The following PCDHA11 variants were observed in gnomAD, a reference collection of about 807,000 sequenced individuals.
PCDHA11 encodes the protein protocadherin alpha 11.
In PCDHA11, 61 loss-of-function variants were observed where a neutral mutation model predicts 70.3. The observed-to-expected ratio is 0.87, with a 90% confidence interval of 0.71 to 1.07. PCDHA11 has a LOEUF of 1.07. Among genes scored for constraint, PCDHA11 ranks in the 50% least tolerant of loss-of-function variants. PCDHA11 has a pLI of 0.00. For synonymous variants in PCDHA11, 633 were observed against 555.1 expected, an observed-to-expected ratio of 1.14 and a Z score of -1.97; for missense variants, 1,324 against 1,237.5, an observed-to-expected ratio of 1.07 and a Z score of -1.05.
intron 1 of PCDHA11, among the ~76,000 whole-genome samples, chr5:140,885,025 T>A (rs2060432297): frequency 6.6e-6 from 1 of 152,228 alleles, no homozygotes; most frequent in Non-Finnish European, 1.5e-5. Context: ...ATCTTAAATT[T>A]AAAAAATTTT....
At chr5:140,907,975 G>A (rs1242073777) in intron 1 of PCDHA11, among the ~76,000 whole-genome samples, 1 of 152,154 alleles carries the variant, frequency 6.6e-6, no homozygotes, top group Non-Finnish European at 1.5e-5. Flanking sequence ...TTCCAATCAT[G>A]CTTCTTCCAA....
Position 140,982,684 on chromosome 5 carries a change from T to C in PCDHA11, c.2539+121T>C. Reference sequence around the variant, plus strand: ...TTTTATATTTTTGTTATTCCCTTTTTTCCATACATACATGATTTCCTTACA... The same window carrying C: ...TTTTATATTTTTGTTATTCCCTTTTCTCCATACATACATGATTTCCTTACA... On this transcript the variant is annotated intron_variant, in intron 3 of 3. Transcript: ENST00000398640. The C allele has an allele frequency of 2.8e-6, 4 of 1,425,176 alleles. No individual in the cohort carries two copies. In the South Asian group the frequency reaches 6.0e-5, roughly 21 times the overall value. 88.3% of individuals were successfully genotyped at this position (1,425,176 alleles called of 1,614,324 possible).
intron 1 of PCDHA11, among the ~76,000 whole-genome samples, chr5:140,951,313 T>C (rs1554219855): frequency 1.3e-5 from 2 of 152,194 alleles, no homozygotes; most frequent in Non-Finnish European, 2.9e-5. Flanking sequence ...TAATGTGTTA[T>C]TCTTGAGATT....
In PCDHA11 at chr5:140,871,242, G is replaced by T; in HGVS notation, c.2139G>T (p.Thr713=). The part of the protein sequence containing the change: ...ICVVSSLLVL[T]LLLYTALWWS... ...TGGTGTCCAGCCTCCTGGTACTCACGCTGCTGCTGTATACGGCGCTGTGGT... is the reference window on the plus strand; with the variant it reads ...TGGTGTCCAGCCTCCTGGTACTCACTCTGCTGCTGTATACGGCGCTGTGGT... The change falls in exon 1 of 4, where the codon ACG becomes ACT. Residue 713 remains threonine (T), a synonymous_variant. Coordinates refer to ENST00000398640, the MANE Select transcript of PCDHA11 (RefSeq NM_018902.5). 6.2e-7 allele frequency: 1 copy of T among 1,613,980 alleles called. No individual in the cohort carries two copies. The highest frequency in any genetic ancestry group is 1.1e-5 in the South Asian group (1 of 91,092).
chr5:140,871,527 G>A (rs537927360), intron 1 of PCDHA11, 33 bp downstream of exon 1: 3 of 1,531,844 alleles, frequency 2.0e-6, no homozygotes, highest in African/African-American at 2.8e-5. Context: ...CTATCAGGAA[G>A]TGTATGTGAA....
At chr5:140,981,191 G>A (rs2096922052) in intron 2 of PCDHA11, among the ~76,000 whole-genome samples, 2 of 152,178 alleles carry the variant, frequency 1.3e-5, no homozygotes, top group South Asian at 4.1e-4. Context: ...AAGTTTGCCT[G>A]CTCTGTTGCC....
intron 1 of PCDHA11, among the ~76,000 whole-genome samples, chr5:140,873,433 C>A (rs1404157271): frequency 2.0e-5 from 3 of 152,116 alleles, no homozygotes; most frequent in African/African-American, 7.2e-5. Context: ...TATTTTATAT[C>A]ACATAAATAA....
At chr5:140,919,510 T>G (rs750733245) in intron 1 of PCDHA11, among the ~76,000 whole-genome samples, 2 of 152,208 alleles carry the variant, frequency 1.3e-5, no homozygotes, top group Non-Finnish European at 2.9e-5. Context: ...TTTTTCTATA[T>G]GTTTTAATTC....
intron 1 of PCDHA11, among the ~76,000 whole-genome samples, chr5:140,936,899 A>G (rs2091202352): frequency 6.6e-6 from 1 of 152,188 alleles, no homozygotes; most frequent in South Asian, 2.1e-4. Context: ...AATTGGCACT[A>G]TATTGAATCT....
intron 1 of PCDHA11, among the ~76,000 whole-genome samples, chr5:140,911,275 G>C (rs1048648150): frequency 2.0e-5 from 3 of 152,164 alleles, no homozygotes; most frequent in African/African-American, 7.2e-5. Context: ...AGTGTCCCCA[G>C]CTTCATCAGG....
intron 1 of PCDHA11, among the ~76,000 whole-genome samples, chr5:140,943,736 A>G (rs913454195): frequency 3.3e-5 from 5 of 152,266 alleles, no homozygotes; most frequent in Non-Finnish European, 7.3e-5. Context: ...ATGAAAGTCC[A>G]CAGTCTAAAA....
intron 1 of PCDHA11, among the ~76,000 whole-genome samples, chr5:140,961,843 G>T (rs1244708157): frequency 1.3e-5 from 2 of 151,972 alleles, no homozygotes; most frequent in Non-Finnish European, 2.9e-5. Flanking sequence ...CAGTGCCTTG[G>T]AAGATCATTT....
In PCDHA11 at chr5:140,870,171, C is replaced by T; in HGVS notation, c.1068C>T (p.Leu356=). The T allele has an allele frequency of 6.2e-7, 1 of 1,614,140 alleles. No individual in the cohort carries two copies. Among genetic ancestry groups the T allele is most frequent in the East Asian group, 2.2e-5 (1 of 44,878 alleles). ...AAGTCGCCGTGACTTCCTTGTCCCT[C>T]CCAGTACGAGAGGACGCTCAGCCCA... ...SPEVAVTSLS[L]PVREDAQPST... Residue 356 remains leucine (L), a synonymous_variant, in exon 1 of 4, where the codon CTC becomes CTT. Coordinates refer to ENST00000398640, the MANE Select transcript of PCDHA11 (RefSeq NM_018902.5).
chr5:140,881,023 A>T (rs1338073910), intron 1 of PCDHA11, among the ~76,000 whole-genome samples: 2 of 152,240 alleles, frequency 1.3e-5, no homozygotes, highest in Admixed American at 1.3e-4. Flanking sequence ...AAATAAACCC[A>T]ACAGTCATTT....
chr5:140,888,945 T>G (rs2062037344), intron 1 of PCDHA11, among the ~76,000 whole-genome samples: 1 of 152,102 alleles, frequency 6.6e-6, no homozygotes, highest in African/African-American at 2.4e-5. Context: ...GAGGTATAAA[T>G]TTTTTCTTTG....
At chr5:140,971,843 G>A (rs1250084892) in intron 1 of PCDHA11, among the ~76,000 whole-genome samples, 2 of 151,906 alleles carry the variant, frequency 1.3e-5, no homozygotes, top group African/African-American at 4.8e-5. Flanking sequence ...TGCAAGTCAT[G>A]CGTTAAATAT....
intron 1 of PCDHA11, among the ~76,000 whole-genome samples, chr5:140,921,217 T>G (rs2080100928): frequency 6.6e-6 from 1 of 152,122 alleles, no homozygotes; most frequent in African/African-American, 2.4e-5. Flanking sequence ...ATTCACGTCT[T>G]TTTTGCTAGA....
rs17844350 is a variant in PCDHA11 at position 140,870,886 on chromosome 5, G to A, written c.1783G>A (p.Ala595Thr). The change falls in exon 1 of 4, where the codon GCA (alanine) becomes ACA (threonine). Residue 595 changes from alanine to threonine, a missense_variant. Coordinates refer to ENST00000398640, the MANE Select transcript of PCDHA11 (RefSeq NM_018902.5). ...GAGHVVAKVR[A>T]VDADSGYNAW... ...GGGCCACGTGGTGGCGAAGGTGCGC[G>A]CAGTGGATGCGGACTCAGGCTACAA... is the stretch of plus-strand genomic sequence containing the variant. 6.2e-7 allele frequency: 1 copy of A among 1,613,944 alleles called. No individual in the cohort carries two copies. The highest frequency in any genetic ancestry group is 2.2e-5 in the East Asian group (1 of 44,872).
In PCDHA11 at chr5:140,870,728, C is replaced by A. The variant is rs531202250; in HGVS notation, c.1625C>A (p.Pro542Gln). Residue 542 changes from proline (P) to glutamine (Q), a missense_variant, in exon 1 of 4, where the codon CCG (proline) becomes CAG (glutamine). Coordinates refer to ENST00000398640, the MANE Select transcript of PCDHA11 (RefSeq NM_018902.5). ...FQVSARDAGV[P>Q]PLSSNVTLQV... ...GTGAGCGCGCGCGATGCGGGCGTGCCGCCTCTGAGCAGCAACGTGACGCTG... is the reference window on the plus strand; with the variant it reads ...GTGAGCGCGCGCGATGCGGGCGTGCAGCCTCTGAGCAGCAACGTGACGCTG... The A allele has an allele frequency of 5.8e-5, 93 of 1,613,338 alleles. No individual in the cohort carries two copies. Among genetic ancestry groups the A allele is most frequent in the East Asian group, 1.1e-4 (5 of 44,876 alleles).
Sources: gnomAD v4.1 joint callset for allele counts (sites outside exome capture counted in the v4.1 genomes callset) on GRCh38, gnomAD v4.1.1 for gene constraint, MANE v1.5 for transcripts, NCBI Gene and HGNC (gene_info 2026-07-23, HGNC 2026-07-21) for gene names.